SLC5A4: variants seen among roughly 807,000 people sequenced by gnomAD.
The protein encoded by SLC5A4 is probable glucose sensor protein SLC5A4.
SLC5A4 carries 55 observed loss-of-function variants against 70.3 expected under a neutral mutation model. The ratio of observed to expected loss-of-function variants is 0.78; its 90% CI spans 0.63 to 0.98. The LOEUF is 0.98. SLC5A4 is among the 50% of genes least tolerant of loss of function. The pLI is 0.00. For synonymous variants in SLC5A4, 268 were observed against 305.7 expected, an observed-to-expected ratio of 0.88 and a Z score of 1.29; for missense variants, 735 against 839.2, an observed-to-expected ratio of 0.88 and a Z score of 1.53.
the SLC5A4 span, among the ~76,000 whole-genome samples, chr22:32,309,431 T>C: frequency 2.0e-5 from 3 of 152,008 alleles, 1 homozygote; most frequent in South Asian, 6.2e-4. Flanking sequence ...CAGCAAAAAG[T>C]AAGAGTAGGC....
At chr22:32,294,520 C>T in the SLC5A4 span, among the ~76,000 whole-genome samples, 1 of 152,010 alleles carries the variant, frequency 6.6e-6, no homozygotes. Flanking sequence ...TCACAAGGAT[C>T]CCTCCTGTGG....
chr22:32,275,739 G>A, the SLC5A4 span, among the ~76,000 whole-genome samples: 1 of 152,188 alleles, frequency 6.6e-6, no homozygotes, highest in Admixed American at 6.5e-5. Flanking sequence ...ACCCAGTAAT[G>A]GGATTGCTGG....
intron 5 of SLC5A4, among the ~76,000 whole-genome samples, chr22:32,243,188 CATAACGTGAATCCAACCATGAAGAA>C (rs1003972238): frequency 5.9e-5 from 9 of 152,098 alleles, no homozygotes; most frequent in African/African-American, 1.9e-4. Context: ...AAGAAGAATG[CATAACGTGAATCCAACCATGAAGAA>C]ATATCAGGCA....
chr22:32,242,195 C>T (rs975602591), intron 5 of SLC5A4, among the ~76,000 whole-genome samples: 13 of 152,134 alleles, frequency 8.5e-5, no homozygotes, highest in South Asian at 2.1e-4. Context: ...ACACTTAGCA[C>T]GCAGATTTTT....
intron 3 of SLC5A4, 106 bp downstream of exon 3, chr22:32,251,664 C>G: frequency 1.3e-6 from 1 of 789,854 alleles, no homozygotes; most frequent in South Asian, 1.6e-5. Flanking sequence ...CATTTCTGTT[C>G]TTTATAAATT....
chr22:32,320,668 C>A, the SLC5A4 span, among the ~76,000 whole-genome samples: 1 of 152,112 alleles, frequency 6.6e-6, no homozygotes, highest in Non-Finnish European at 1.5e-5. Flanking sequence ...TGAATTCCCA[C>A]CCTTCCTCCC....
chr22:32,305,980 C>T, the SLC5A4 span, among the ~76,000 whole-genome samples: 3 of 152,184 alleles, frequency 2.0e-5, no homozygotes, highest in African/African-American at 4.8e-5. Context: ...GATGGACTCA[C>T]GTGCCCAGTT....
At chr22:32,238,749 T>G (rs1926206846) in intron 6 of SLC5A4, among the ~76,000 whole-genome samples, 1 of 152,214 alleles carries the variant, frequency 6.6e-6, no homozygotes, top group Admixed American at 6.5e-5. Context: ...AAATGACCTG[T>G]TTCCTACCCC....
chr22:32,253,739 A>T (rs960668377), intron 2 of SLC5A4, among the ~76,000 whole-genome samples: 17 of 152,172 alleles, frequency 1.1e-4, no homozygotes, highest in African/African-American at 3.6e-4. Flanking sequence ...GTAGGCAACC[A>T]ATGTACATCA....
At chr22:32,342,837 A>G in the SLC5A4 span, among the ~76,000 whole-genome samples, 2 of 152,228 alleles carry the variant, frequency 1.3e-5, no homozygotes, top group Non-Finnish European at 2.9e-5. Flanking sequence ...ATTCACTTCA[A>G]TTAATACAGA....
chr22:32,237,832 C>G (rs1432856508), intron 6 of SLC5A4, among the ~76,000 whole-genome samples: 1 of 152,168 alleles, frequency 6.6e-6, no homozygotes, highest in Non-Finnish European at 1.5e-5. Flanking sequence ...TCTAGACTAA[C>G]TAGGCTCTCA....
chr22:32,287,957 G>A, the SLC5A4 span, among the ~76,000 whole-genome samples: 1 of 151,154 alleles, frequency 6.6e-6, no homozygotes, highest in Admixed American at 6.6e-5. Context: ...AGAAGAAGCA[G>A]GTATAGACCT....
At chr22:32,333,874 T>C in the SLC5A4 span, among the ~76,000 whole-genome samples, 1 of 141,086 alleles carries the variant, frequency 7.1e-6, no homozygotes, top group Non-Finnish European at 1.5e-5. Context: ...ACACCCACAA[T>C]ACACATACAC....
At chr22:32,340,022 G>C in the SLC5A4 span, among the ~76,000 whole-genome samples, 3 of 152,268 alleles carry the variant, frequency 2.0e-5, no homozygotes, top group East Asian at 5.8e-4. Flanking sequence ...CTCACAGGGA[G>C]AGAAGTAAAG....
chr22:32,327,448 A>G, the SLC5A4 span: 1 of 152,360 alleles, frequency 6.6e-6, no homozygotes, highest in African/African-American at 2.4e-5. Context: ...CTGGGAGGAA[A>G]GCAGAGACAA....
the SLC5A4 span, chr22:32,269,861 C>A: frequency 1.6e-6 from 1 of 609,238 alleles, no homozygotes. The surrounding 1 kb of genome is among the most constrained non-coding windows in gnomAD (Gnocchi z 4.1). Flanking sequence ...CCCTCATCAC[C>A]GATGGCATGC....
the SLC5A4 span, among the ~76,000 whole-genome samples, chr22:32,310,083 G>C: frequency 8.0e-6 from 1 of 125,244 alleles, no homozygotes. Flanking sequence ...ACGGGGGATG[G>C]GGGGGGTGGC....
intron 5 of SLC5A4, among the ~76,000 whole-genome samples, chr22:32,243,998 G>A (rs1197015927): frequency 6.6e-6 from 1 of 152,096 alleles, no homozygotes; most frequent in East Asian, 1.9e-4. Flanking sequence ...CTGTTTCTGT[G>A]TTGAAGTTGG....
At chr22:32,304,536 C>T in the SLC5A4 span, among the ~76,000 whole-genome samples, 2 of 152,182 alleles carry the variant, frequency 1.3e-5, no homozygotes, top group East Asian at 3.9e-4. Flanking sequence ...GCCTCAGCCT[C>T]CCAAATAGCT....
Sources: allele counts gnomAD v4.1 joint callset (sites outside exome capture counted in the v4.1 genomes callset), GRCh38; gene constraint gnomAD v4.1.1; non-coding constraint Gnocchi (gnomAD v3.1); transcripts MANE v1.5; gene names NCBI Gene and HGNC (gene_info 2026-07-23, HGNC 2026-07-21).